The following RORA variants were observed in gnomAD, a reference collection of about 807,000 sequenced individuals.
The protein encoded by RORA is nuclear receptor ROR-alpha.
RORA carries 7 observed loss-of-function variants against 69.5 expected under a neutral mutation model. The ratio of observed to expected loss-of-function variants is 0.10; its 90% CI spans 0.06 to 0.19. The LOEUF is 0.19. RORA is among the 10% of genes least tolerant of loss of function. RORA has a pLI of 1.00. For missense variants in RORA, 457 were observed against 663.0 expected (o/e 0.69, Z 3.41); for synonymous variants, 261 against 240.8 (o/e 1.08, Z -0.78).
At chr15:60,770,688 T>A (rs2072060318) in intron 1 of RORA, among the ~76,000 whole-genome samples, 1 of 152,268 alleles carries the variant, frequency 6.6e-6, no homozygotes, top group East Asian at 1.9e-4. Flanking sequence ...ACAGGCCCAA[T>A]CATAGTGCAC....
At chr15:60,971,858 G>A (rs940275345) in intron 1 of RORA, among the ~76,000 whole-genome samples, 1 of 152,190 alleles carries the variant, frequency 6.6e-6, no homozygotes, top group Non-Finnish European at 1.5e-5. Context: ...CAGAGAGAGG[G>A]TGTGGAGCTC....
At chr15:60,584,355 A>C (rs745596602) in intron 2 of RORA, among the ~76,000 whole-genome samples, 2 of 152,240 alleles carry the variant, frequency 1.3e-5, no homozygotes, top group Non-Finnish European at 2.9e-5. Flanking sequence ...ATGTTCATCC[A>C]TAAGTATAGG....
At chr15:61,132,982 C>A (rs775244662) in intron 1 of RORA, among the ~76,000 whole-genome samples, 2 of 152,052 alleles carry the variant, frequency 1.3e-5, no homozygotes, top group Non-Finnish European at 2.9e-5. Flanking sequence ...TAAAAATAGC[C>A]TGCTTTTTTA....
intron 1 of RORA, among the ~76,000 whole-genome samples, chr15:61,203,731 T>C (rs576707857): frequency 4.1e-4 from 63 of 152,224 alleles, no homozygotes; most frequent in African/African-American, 1.2e-3. Flanking sequence ...AATAAATAAA[T>C]AGATCCATGC....
chr15:60,709,594 T>A (rs1429533444), intron 1 of RORA, among the ~76,000 whole-genome samples: 1 of 151,800 alleles, frequency 6.6e-6, no homozygotes, highest in Non-Finnish European at 1.5e-5. Context: ...TGAACCCTGT[T>A]GTGAAGTGCA....
chr15:60,967,705 A>T (rs1393471903), intron 1 of RORA, among the ~76,000 whole-genome samples: 1 of 152,240 alleles, frequency 6.6e-6, no homozygotes, highest in Non-Finnish European at 1.5e-5. Context: ...TTCCTGAATG[A>T]GATGACTTCT....
At chr15:60,824,040 T>C (rs2072927128) in intron 1 of RORA, among the ~76,000 whole-genome samples, 2 of 152,224 alleles carry the variant, frequency 1.3e-5, no homozygotes, top group Admixed American at 6.5e-5. Flanking sequence ...CATAAGTTAA[T>C]AAGTAGTGAA....
At chr15:60,500,216 C>T (rs1170335476) in intron 9 of RORA, among the ~76,000 whole-genome samples, 1 of 151,776 alleles carries the variant, frequency 6.6e-6, no homozygotes, top group African/African-American at 2.4e-5. Context: ...CCATTTTTAC[C>T]AATACTTAAA....
intron 1 of RORA, among the ~76,000 whole-genome samples, chr15:60,947,946 A>G (rs11855871): frequency 0.26 from 39,750 of 152,048 alleles, 6,431 homozygotes; most frequent in East Asian, 0.61. Flanking sequence ...TCCACAGACA[A>G]CAACACCACC....
chr15:60,579,144 C>A (rs528728858), intron 2 of RORA, among the ~76,000 whole-genome samples: 1 of 151,140 alleles, frequency 6.6e-6, no homozygotes, highest in African/African-American at 2.4e-5. Flanking sequence ...TTGGCATTAC[C>A]GTCCTGCTTC....
In RORA at chr15:60,947,450, G is replaced by C. The variant is rs967173763; in HGVS notation, c.167-268764C>G. Among the ~76,000 whole-genome samples, 43 of 151,976 alleles carry C rather than the reference G, an allele frequency of 2.8e-4. 1 individual carries two copies. The highest frequency in any genetic ancestry group is 2.8e-3 in the Admixed American group (42 of 15,266). On this transcript the variant is annotated intron_variant, in intron 1 of 10. Coordinates refer to ENST00000335670, the MANE Select transcript of RORA (RefSeq NM_134261.3). ...GTCCACTCAGGGTTAAATGGATTAA[G>C]GGCGGTGCAAGATGTGCTTTGTTAA...
intron 1 of RORA, among the ~76,000 whole-genome samples, chr15:61,115,058 T>C (rs951675105): frequency 6.6e-5 from 10 of 152,210 alleles, no homozygotes; most frequent in Non-Finnish European, 1.3e-4. Context: ...CAGTAGGCAC[T>C]ATTTGGTGGC....
chr15:60,909,160 A>T (rs1462978732), intron 1 of RORA, among the ~76,000 whole-genome samples: 2 of 152,156 alleles, frequency 1.3e-5, no homozygotes, highest in African/African-American at 4.8e-5. Flanking sequence ...CGGTGAGCAT[A>T]ACAGAGTTAC....
intron 2 of RORA, among the ~76,000 whole-genome samples, chr15:60,545,847 G>A (rs895450684): frequency 2.0e-5 from 3 of 152,260 alleles, no homozygotes; most frequent in Non-Finnish European, 4.4e-5. Context: ...AAAACAAAAT[G>A]TCCTCAGTGG....
At chr15:60,554,081 G>T (rs1381828564) in intron 2 of RORA, among the ~76,000 whole-genome samples, 3 of 151,770 alleles carry the variant, frequency 2.0e-5, no homozygotes, top group Non-Finnish European at 2.9e-5. Context: ...GAAGAAGTTG[G>T]GTTTTTTCCT....
chr15:60,982,002 C>T (rs778883586), intron 1 of RORA, among the ~76,000 whole-genome samples: 2 of 152,146 alleles, frequency 1.3e-5, no homozygotes, highest in African/African-American at 4.8e-5. Context: ...TTCACTTTTC[C>T]GAATTACTTC....
chr15:60,743,016 A>AT (rs33922947), intron 1 of RORA, among the ~76,000 whole-genome samples: 52,638 of 105,154 alleles, frequency 0.5, 15,820 homozygotes, highest in Non-Finnish European at 0.67. Flanking sequence ...CATTCATTCT[A>AT]TTTTTTTTTT....
chr15:60,836,706 G>A (rs886206246), intron 1 of RORA, among the ~76,000 whole-genome samples: 7 of 152,090 alleles, frequency 4.6e-5, no homozygotes, highest in East Asian at 1.9e-4. Context: ...AGCTGGAGAC[G>A]CCTCCATTTA....
intron 1 of RORA, among the ~76,000 whole-genome samples, chr15:61,193,321 GTAC>G (rs2079818180): frequency 6.6e-6 from 1 of 152,228 alleles, no homozygotes; most frequent in Non-Finnish European, 1.5e-5. Context: ...ACCACTGGGT[GTAC>G]TACATCCCAG....
Sources: gnomAD v4.1 joint callset for allele counts (sites outside exome capture counted in the v4.1 genomes callset) on GRCh38, gnomAD v4.1.1 for gene constraint, MANE v1.5 for transcripts, NCBI Gene and HGNC (gene_info 2026-07-23, HGNC 2026-07-21) for gene names.